Variants in FER observed in about 807,000 individuals in gnomAD.
The protein encoded by FER is FER tyrosine kinase.
A neutral mutation model predicts 111.0 loss-of-function variants in FER; 63 were observed. The observed-to-expected ratio is 0.57, with a 90% confidence interval of 0.46 to 0.70. The LOEUF (loss-of-function observed/expected upper bound fraction) is 0.70, where lower values mean the gene tolerates loss of function less well. Among genes scored for constraint, FER ranks in the 30% least tolerant of loss-of-function variants. The pLI is 0.00. For missense variants in FER, 914 were observed against 954.0 expected, an observed-to-expected ratio of 0.96 and a Z score of 0.55; for synonymous variants, 327 against 313.9, an observed-to-expected ratio of 1.04 and a Z score of -0.44.
intron 16 of FER, among the ~76,000 whole-genome samples, chr5:109,074,607 G>A (rs1776115479): frequency 6.6e-6 from 1 of 152,192 alleles, no homozygotes; most frequent in Non-Finnish European, 1.5e-5. Context: ...GAATTTTACA[G>A]CTATCTCTTG....
chr5:108,955,049 A>G (rs1296727153), intron 12 of FER, 117 bp downstream of exon 12: 4 of 812,166 alleles, frequency 4.9e-6, no homozygotes, highest in Non-Finnish European at 7.3e-6. Context: ...TTAGCACTTA[A>G]TTTTTTTCTG....
intron 13 of FER, among the ~76,000 whole-genome samples, chr5:109,012,651 T>C (rs1410200281): frequency 6.6e-6 from 1 of 152,238 alleles, no homozygotes; most frequent in African/African-American, 2.4e-5. Context: ...GAACTTGATA[T>C]TGGAGAGTTT....
rs769687395 is a variant in FER at position 109,044,842 on chromosome 5, T to G, written c.1829+47T>G. 3 of 961,152 alleles carry G rather than the reference T, an allele frequency of 3.1e-6. No individual in the cohort carries two copies. The Admixed American group carries it at 8.1e-5, about 26-fold the overall frequency. 59.5% of individuals were successfully genotyped at this position (961,152 alleles called of 1,614,324 possible). A position where few individuals can be genotyped will look rare whatever the true frequency, so the allele number is the denominator to read the frequency against. On this transcript the variant is annotated intron_variant, in intron 15 of 19. Coordinates refer to ENST00000281092, the MANE Select transcript of FER (RefSeq NM_005246.4). Reference sequence around the variant, plus strand: ...AAATATGTATTTATTATGTAAATTATTTATTAAAATGTAAGTTTGAAGACA... The same window carrying G: ...AAATATGTATTTATTATGTAAATTAGTTATTAAAATGTAAGTTTGAAGACA...
intron 13 of FER, among the ~76,000 whole-genome samples, chr5:109,007,124 T>C (rs1306204347): frequency 6.6e-6 from 1 of 152,194 alleles, no homozygotes; most frequent in Non-Finnish European, 1.5e-5. Context: ...TAAAAAGTTT[T>C]AATTACATTG....
chr5:108,796,417 C>T (rs559954844), intron 2 of FER, among the ~76,000 whole-genome samples: 11 of 152,322 alleles, frequency 7.2e-5, no homozygotes, highest in African/African-American at 2.6e-4. Flanking sequence ...GCTTTATAAT[C>T]AGCATGTGGT....
intron 17 of FER, among the ~76,000 whole-genome samples, chr5:109,145,455 T>C (rs991273632): frequency 6.6e-6 from 1 of 152,092 alleles, no homozygotes; most frequent in East Asian, 1.9e-4. Context: ...TGTGCTTCAG[T>C]GTTTTATATT....
Position 109,187,601 on chromosome 5 carries a change from T to C in FER, c.*26T>C. 1 of 1,613,386 alleles carries C rather than the reference T, an allele frequency of 6.2e-7. No individual in the cohort carries two copies. Among genetic ancestry groups the C allele is most frequent in the South Asian group, 1.1e-5 (1 of 90,988 alleles). ...TGACAGGATGGCGCCAAACTCAGCC[T>C]TCAGGACTCTGTCCTCCAGCAGAGT... On this transcript the variant is annotated 3_prime_UTR_variant, in exon 20 of 20. Transcript: ENST00000281092.
At chr5:109,163,569 T>C (rs1239000620) in intron 17 of FER, among the ~76,000 whole-genome samples, 1 of 152,128 alleles carries the variant, frequency 6.6e-6, no homozygotes, top group Non-Finnish European at 1.5e-5. Context: ...GTCTTGAGTT[T>C]TAGTCATTCT....
At chr5:109,084,889 T>A (rs2150029051) in intron 16 of FER, among the ~76,000 whole-genome samples, 2 of 152,032 alleles carry the variant, frequency 1.3e-5, no homozygotes, top group South Asian at 4.1e-4. Flanking sequence ...GTGTCTATGT[T>A]ATAAATGAAT....
At chr5:108,761,662 G>A (rs906726835) in intron 1 of FER, among the ~76,000 whole-genome samples, 4 of 152,124 alleles carry the variant, frequency 2.6e-5, no homozygotes, top group Admixed American at 1.3e-4. Context: ...GCTCAGTGCA[G>A]GATTATAATA....
chr5:108,958,324 G>A (rs1207857412), intron 12 of FER, among the ~76,000 whole-genome samples: 1 of 151,584 alleles, frequency 6.6e-6, no homozygotes, highest in Non-Finnish European at 1.5e-5. Flanking sequence ...CTTAAAATGG[G>A]GGTACTCCCA....
At chr5:109,023,286 A>T (rs1404141368) in intron 13 of FER, among the ~76,000 whole-genome samples, 1 of 152,158 alleles carries the variant, frequency 6.6e-6, no homozygotes, top group Admixed American at 6.6e-5. Context: ...GATGAATAGT[A>T]GTTACATTTA....
chr5:109,164,652 C>G lies in FER; in HGVS notation c.2049-16095C>G, dbSNP rs772282725. On this transcript the variant is annotated intron_variant, in intron 17 of 19. Coordinates refer to ENST00000281092, the MANE Select transcript of FER (RefSeq NM_005246.4). Reference sequence around the variant, plus strand: ...TAACATATCTTTTTCATGAATTCCACCTTTTAGAAATATGGTTCCTTTTAT... The same window carrying G: ...TAACATATCTTTTTCATGAATTCCAGCTTTTAGAAATATGGTTCCTTTTAT... Among the ~76,000 whole-genome samples the G allele has an allele frequency of 2.6e-5, 4 of 152,116 alleles. No individual in the cohort carries two copies. In the East Asian group the frequency reaches 5.8e-4, roughly 22 times the overall value.
chr5:108,963,117 CAA>C (rs1759348652), intron 13 of FER, among the ~76,000 whole-genome samples: 1 of 151,676 alleles, frequency 6.6e-6, no homozygotes. Context: ...AGGGATTGGT[CAA>C]ATATATTTAA....
rs1166328889 is a variant in FER at position 109,194,540 on chromosome 5, A to C, written c.*6965A>C. The C allele has an allele frequency of 6.6e-6, 1 of 152,238 alleles. No homozygotes were observed. Among genetic ancestry groups the C allele is most frequent in the Non-Finnish European group, 1.5e-5 (1 of 68,036 alleles). The allele number at this position is 152,238 out of a possible 1,614,324, so 9.4% of individuals were successfully genotyped here. A position where few individuals can be genotyped will look rare whatever the true frequency, so the allele number is the denominator to read the frequency against. Reference sequence around the variant, plus strand: ...AATGACATAGTAAGAAGCCAGATTCAAATTGTAACCAAAGAAGACAATAGA... The same window carrying C: ...AATGACATAGTAAGAAGCCAGATTCCAATTGTAACCAAAGAAGACAATAGA... On this transcript the variant is annotated 3_prime_UTR_variant, in exon 20 of 20. Coordinates refer to ENST00000281092, the MANE Select transcript of FER (RefSeq NM_005246.4).
At chr5:108,770,943 A>AT (rs1005956400) in intron 2 of FER, among the ~76,000 whole-genome samples, 28 of 147,664 alleles carry the variant, frequency 1.9e-4, no homozygotes, top group Middle Eastern at 3.6e-3. Flanking sequence ...CTGAAAAAAA[A>AT]TTTTTTTTTT....
intron 2 of FER, among the ~76,000 whole-genome samples, chr5:108,781,284 G>A (rs1191115463): frequency 6.6e-6 from 1 of 152,078 alleles, no homozygotes; most frequent in Non-Finnish European, 1.5e-5. Context: ...TCTGCTTCCT[G>A]GGTTCAAGCG....
intron 17 of FER, among the ~76,000 whole-genome samples, chr5:109,155,432 A>G (rs1419550897): frequency 6.6e-6 from 1 of 151,968 alleles, no homozygotes; most frequent in Non-Finnish European, 1.5e-5. Flanking sequence ...GAGATAGGGC[A>G]AATCAGGAGA....
chr5:108,868,047 T>A, intron 6 of FER, 97 bp downstream of exon 6: 2 of 1,153,750 alleles, frequency 1.7e-6, no homozygotes, highest in Non-Finnish European at 2.4e-6. Context: ...GTTTTATTAT[T>A]AACCCAGTCC....
Sources: allele counts gnomAD v4.1 joint callset (sites outside exome capture counted in the v4.1 genomes callset), GRCh38; gene constraint gnomAD v4.1.1; transcripts MANE v1.5; gene names NCBI Gene and HGNC (gene_info 2026-07-23, HGNC 2026-07-21).